EPHA5: variants seen among roughly 807,000 people sequenced by gnomAD.
EPHA5 encodes the protein EPH receptor A5.
A neutral mutation model predicts 105.0 loss-of-function variants in EPHA5; 60 were observed. That is an observed-to-expected ratio of 0.57 (90% CI 0.46 to 0.71). The LOEUF is 0.71. EPHA5 is among the 30% of genes least tolerant of loss of function. EPHA5 has a pLI of 0.00. For synonymous variants in EPHA5, 513 were observed against 449.1 expected (o/e 1.14, Z -1.80); for missense variants, 1,218 against 1,274.7 (o/e 0.96, Z 0.68).
At chr4:65,368,680 AT>A (rs757008696) in intron 8 of EPHA5, among the ~76,000 whole-genome samples, 29 of 152,198 alleles carry the variant, frequency 1.9e-4, no homozygotes, top group Non-Finnish European at 2.6e-4. Context: ...AGTATATAAG[AT>A]GCTTTTCTAT....
At chr4:65,330,322 G>T (rs1235149576) in intron 16 of EPHA5, among the ~76,000 whole-genome samples, 1 of 150,806 alleles carries the variant, frequency 6.6e-6, no homozygotes, top group Non-Finnish European at 1.5e-5. Context: ...TGGGGATAGA[G>T]GAGCAGATAG....
In EPHA5 at chr4:65,352,087, G is replaced by A. The variant is rs534938133; in HGVS notation, c.2236-489C>T. On this transcript the variant is annotated intron_variant, in intron 12 of 16. Transcript: ENST00000613740. Reference sequence around the variant, plus strand: ...TGTTAGCAATTTTTGGAAGTTTGTCGTCTTTGTCAAGGGCACTGAAATTAT... The same window carrying A: ...TGTTAGCAATTTTTGGAAGTTTGTCATCTTTGTCAAGGGCACTGAAATTAT... Among the ~76,000 whole-genome samples the A allele has an allele frequency of 2.4e-3, 364 of 152,044 alleles. 3 individuals carry two copies. Among genetic ancestry groups the A allele is most frequent in the African/African-American group, 8.4e-3 (347 of 41,506 alleles).
At chr4:65,513,044 T>C (rs1227227422) in intron 3 of EPHA5, among the ~76,000 whole-genome samples, 1 of 152,176 alleles carries the variant, frequency 6.6e-6, no homozygotes, top group Admixed American at 6.5e-5. Context: ...AAAGAGGGAA[T>C]CTCAAATTAT....
At chr4:65,566,891 A>T (rs1739593322) in intron 3 of EPHA5, among the ~76,000 whole-genome samples, 1 of 151,650 alleles carries the variant, frequency 6.6e-6, no homozygotes, top group Non-Finnish European at 1.5e-5. Context: ...TTTTTAAAAA[A>T]TTTTTATAAC....
chr4:65,405,047 T>C (rs1722226378), intron 7 of EPHA5, among the ~76,000 whole-genome samples: 2 of 152,136 alleles, frequency 1.3e-5, no homozygotes, highest in African/African-American at 2.4e-5. Flanking sequence ...ATTTCATAAA[T>C]AAATTCACTT....
chr4:65,433,572 C>G (rs199635041), intron 5 of EPHA5, among the ~76,000 whole-genome samples: 1 of 152,136 alleles, frequency 6.6e-6, no homozygotes, highest in African/African-American at 2.4e-5. Flanking sequence ...GCTGCTACAA[C>G]AAATTACCAA....
intron 5 of EPHA5, among the ~76,000 whole-genome samples, chr4:65,473,871 A>T (rs1056734774): frequency 9.4e-6 from 1 of 106,712 alleles, no homozygotes; most frequent in Admixed American, 1.2e-4. Flanking sequence ...TACTCTTTCA[A>T]TGTTTTGTAA....
At chr4:65,573,794 GCCTAGATATTAT>G (rs1406868021) in intron 3 of EPHA5, 2 of 1,613,598 alleles carry the variant, frequency 1.2e-6, no homozygotes, top group African/African-American at 2.7e-5. Flanking sequence ...TTCGCAAAAT[GCCTAGATATTAT>G]CCTACTGAAG....
intron 5 of EPHA5, among the ~76,000 whole-genome samples, chr4:65,458,033 C>T (rs930095198): frequency 7.4e-6 from 1 of 134,800 alleles, no homozygotes; most frequent in Non-Finnish European, 1.5e-5. Flanking sequence ...GAGATTACAC[C>T]ACTGCACTCC....
intron 5 of EPHA5, among the ~76,000 whole-genome samples, chr4:65,437,818 A>G (rs1412428199): frequency 6.6e-6 from 1 of 151,894 alleles, no homozygotes; most frequent in African/African-American, 2.4e-5. Flanking sequence ...GGGATTTAAT[A>G]CCATACTAAA....
chr4:65,431,620 A>G (rs1045432729), intron 5 of EPHA5, among the ~76,000 whole-genome samples: 3 of 151,916 alleles, frequency 2.0e-5, no homozygotes, highest in African/African-American at 7.3e-5. Flanking sequence ...TCCTAATATT[A>G]CTGAAAACCT....
At chr4:65,531,005 TA>T (rs1404021183) in intron 3 of EPHA5, among the ~76,000 whole-genome samples, 3 of 103,990 alleles carry the variant, frequency 2.9e-5, no homozygotes, top group Non-Finnish European at 4.1e-5. Flanking sequence ...GATTTTTTTT[TA>T]TTTTTTTTAT....
intron 5 of EPHA5, among the ~76,000 whole-genome samples, chr4:65,453,670 A>G (rs1277767366): frequency 6.6e-6 from 1 of 152,190 alleles, no homozygotes; most frequent in Non-Finnish European, 1.5e-5. Flanking sequence ...CACACCGCAC[A>G]TGCTCCCCCG....
At chr4:65,605,650 T>C (rs565049530) in intron 2 of EPHA5, among the ~76,000 whole-genome samples, 124 of 152,264 alleles carry the variant, frequency 8.1e-4, no homozygotes, top group African/African-American at 2.8e-3. Flanking sequence ...TTTATCTTGA[T>C]TCTATATCGA....
chr4:65,649,659 A>C lies in EPHA5; in HGVS notation c.182-6232T>G, dbSNP rs368191011. 1.2e-4 allele frequency among the ~76,000 whole-genome samples: 19 copies of C among 152,220 alleles called. 1 individual carries two copies. The highest frequency in any genetic ancestry group is 4.6e-4 in the African/African-American group (19 of 41,502). On this transcript the variant is annotated intron_variant, in intron 1 of 16. Coordinates refer to ENST00000613740, the MANE Select transcript of EPHA5 (RefSeq NM_001281766.3). ...CAACACCCCTATCTATTATTTCCTC[A>C]TATCTTCCTCATTCCTTACCTAATC...
intron 5 of EPHA5, among the ~76,000 whole-genome samples, chr4:65,431,884 T>C (rs1308412718): frequency 1.3e-5 from 2 of 152,016 alleles, no homozygotes; most frequent in Admixed American, 1.3e-4. Flanking sequence ...GCATGTGGTA[T>C]GTGCCCAATA....
At chr4:65,556,095 A>G (rs552623779) in intron 3 of EPHA5, among the ~76,000 whole-genome samples, 5 of 152,318 alleles carry the variant, frequency 3.3e-5, no homozygotes, top group African/African-American at 1.2e-4. Flanking sequence ...CATGAGAAAG[A>G]TCTATACCCT....
intron 3 of EPHA5, among the ~76,000 whole-genome samples, chr4:65,583,106 T>C (rs1741796386): frequency 6.6e-6 from 1 of 151,624 alleles, no homozygotes; most frequent in South Asian, 2.1e-4. Context: ...ATAATATGTT[T>C]AAGGTATAAG....
rs146385827 is a variant in EPHA5 at position 65,665,978 on chromosome 4, A to G, written c.181+3584T>C. On this transcript the variant is annotated intron_variant, in intron 1 of 16. Transcript: ENST00000613740. ...CTGCGGATTTATCTAAAAGGAAATGAATTACAACAGGATGACAAGGCCACA... is the reference window on the plus strand; with the variant it reads ...CTGCGGATTTATCTAAAAGGAAATGGATTACAACAGGATGACAAGGCCACA... 3.2e-4 allele frequency among the ~76,000 whole-genome samples: 49 copies of G among 152,316 alleles called. No individual in the cohort carries two copies. In the East Asian group the frequency reaches 8.9e-3, roughly 28 times the overall value.
Sources: allele counts gnomAD v4.1 joint callset (sites outside exome capture counted in the v4.1 genomes callset), GRCh38; gene constraint gnomAD v4.1.1; transcripts MANE v1.5; gene names NCBI Gene and HGNC (gene_info 2026-07-23, HGNC 2026-07-21).